Variants in ERBIN observed in about 807,000 individuals in gnomAD.
The protein encoded by ERBIN is densin-180-like protein.
In ERBIN, 60 loss-of-function variants were observed where a neutral mutation model predicts 158.4. The observed-to-expected ratio is 0.38, with a 90% CI of 0.31 to 0.47. The LOEUF (loss-of-function observed/expected upper bound fraction) is 0.47, where lower values mean the gene tolerates loss of function less well. ERBIN is among the 20% of genes least tolerant of loss of function. The pLI, the probability that ERBIN is intolerant of heterozygous loss-of-function variation, is 0.99. For synonymous variants in ERBIN, 594 were observed against 557.2 expected (o/e 1.07, Z -0.93); for missense variants, 1,610 against 1,648.0 (o/e 0.98, Z 0.40).
intron 2 of ERBIN, among the ~76,000 whole-genome samples, chr5:65,992,174 G>C (rs1751937932): frequency 6.6e-6 from 1 of 151,780 alleles, no homozygotes; most frequent in African/African-American, 2.4e-5. Flanking sequence ...TTGTTTGTTT[G>C]AGTCTCGCTC....
intron 1 of ERBIN, among the ~76,000 whole-genome samples, chr5:65,956,040 T>A (rs1747075175): frequency 6.6e-6 from 1 of 152,204 alleles, no homozygotes. Context: ...ACACTATCTG[T>A]GGTTTCAGGT....
Position 66,014,683 on chromosome 5 carries a change from A to G in ERBIN, c.491A>G (p.Gln164Arg). The G allele has an allele frequency of 7.0e-7, 1 of 1,437,874 alleles. No individual in the cohort carries two copies. Among genetic ancestry groups the G allele is most frequent in the Non-Finnish European group, 9.4e-7 (1 of 1,059,834 alleles). The allele number at this position is 1,437,874 out of a possible 1,614,324, so 89.1% of individuals were successfully genotyped here. ...PANFGRLTKL[Q>R]ILELRENQLK... ...TTGTATTGCAGATTAACTAAACTCC[A>G]AATATTAGAGCTTAGAGAAAACCAG... Residue 164 changes from glutamine to arginine, a missense_variant, in exon 7 of 26, where the codon CAA becomes CGA. Gln to Arg is a conservative substitution (Grantham distance 43). Coordinates refer to ENST00000284037, the MANE Select transcript of ERBIN (RefSeq NM_001253697.2).
At position 66,054,470 on chromosome 5, in the gene ERBIN, C is replaced by T. The variant is rs957429415; in HGVS notation, c.3152C>T (p.Ala1051Val). ...AYHLHQRLGP[A>V]RHGEMWAISP... ...CATTTACATCAGAGACTTGGCCCAG[C>T]AAGACATGGGGAAATGTGGGCCATC... The change falls in exon 21 of 26, where the codon GCA becomes GTA. Residue 1051 changes from alanine to valine, a missense_variant. Physicochemically the swap from Ala to Val is moderately conservative, Grantham distance 64 (BLOSUM62 0). Around this residue, in one of 2 missense-constraint regions of ERBIN, gnomAD observed 1,014 missense variants for 936.1 expected, o/e 1.08. Transcript: ENST00000284037. 6.2e-7 allele frequency: 1 copy of T among 1,614,140 alleles called. No individual in the cohort carries two copies.
At chr5:66,061,625 T>C (rs1486251172) in intron 21 of ERBIN, among the ~76,000 whole-genome samples, 1 of 152,212 alleles carries the variant, frequency 6.6e-6, no homozygotes, top group African/African-American at 2.4e-5. Context: ...GTTGATGCAG[T>C]TTCTTCCTAG....
Position 66,038,444 on chromosome 5 carries a change from C to T in ERBIN, c.1268C>T (p.Thr423Ile), listed in dbSNP as rs1287450747. ...TCAGAGACCCAGAAAATGGTGCTTACCAACTACATGTTCCCTCAACAGCCA... is the reference window on the plus strand; with the variant it reads ...TCAGAGACCCAGAAAATGGTGCTTATCAACTACATGTTCCCTCAACAGCCA... The part of the protein sequence containing the change: ...TDSETQKMVL[T>I]NYMFPQQPRT... The change falls in exon 15 of 26, where the codon ACC becomes ATC. Residue 423 changes from threonine to isoleucine, a missense_variant. This residue lies in a region of ERBIN where 596 missense variants were observed against 711.9 expected (regional missense o/e 0.84). Coordinates refer to ENST00000284037, the MANE Select transcript of ERBIN (RefSeq NM_001253697.2). The T allele has an allele frequency of 4.3e-6, 7 of 1,612,104 alleles. No individual in the cohort carries two copies. The East Asian group carries it at 1.1e-4, about 26-fold the overall frequency.
At chr5:65,984,512 C>G (rs946653345) in intron 1 of ERBIN, among the ~76,000 whole-genome samples, 1 of 152,252 alleles carries the variant, frequency 6.6e-6, no homozygotes, top group African/African-American at 2.4e-5. Flanking sequence ...CTCTGGCACC[C>G]TCAGTGCAGC....
chr5:66,011,785 A>ATG (rs1332627602), intron 4 of ERBIN, among the ~76,000 whole-genome samples: 1 of 152,234 alleles, frequency 6.6e-6, no homozygotes, highest in African/African-American at 2.4e-5. Flanking sequence ...TTAACATCAC[A>ATG]TGTAGAAGGC....
chr5:66,025,726 C>G, intron 11 of ERBIN, 122 bp from the exon 12 acceptor site: 1 of 884,578 alleles, frequency 1.1e-6, no homozygotes, highest in South Asian at 2.0e-5. Flanking sequence ...TGAAGTTTAG[C>G]TTTGTGAAAT....
Position 66,079,764 on chromosome 5 carries a change from C to G in ERBIN, c.*1234C>G, listed in dbSNP as rs1283753993. ...ACATTAAATGTGAACTCAACACTTC[C>G]AGAGTCTTTAAAGGGTTTCTATGTG... On this transcript the variant is annotated 3_prime_UTR_variant, in exon 26 of 26. Transcript: ENST00000284037. The G allele has an allele frequency of 6.6e-6, 1 of 152,550 alleles. No homozygotes were observed. Among genetic ancestry groups the G allele is most frequent in the African/African-American group, 2.4e-5 (1 of 41,434 alleles). The allele number at this position is 152,550 out of a possible 1,614,324, so 9.4% of individuals were successfully genotyped here. A position where few individuals can be genotyped will look rare whatever the true frequency, so the allele number is the denominator to read the frequency against.
chr5:65,991,673 A>G (rs1450530444), intron 2 of ERBIN, among the ~76,000 whole-genome samples: 1 of 152,140 alleles, frequency 6.6e-6, no homozygotes, highest in Non-Finnish European at 1.5e-5. Context: ...TGCTAATATA[A>G]TCTTAGCCTA....
intron 21 of ERBIN, among the ~76,000 whole-genome samples, chr5:66,069,406 GTGACTGAGAAT>G (rs1446719409): frequency 6.6e-6 from 1 of 152,180 alleles, no homozygotes; most frequent in Non-Finnish European, 1.5e-5. Flanking sequence ...TTTAACTCCA[GTGACTGAGAAT>G]TGACTGAGAG....
intron 1 of ERBIN, among the ~76,000 whole-genome samples, chr5:65,928,830 CTG>C (rs1491205875): frequency 6.6e-6 from 1 of 152,118 alleles, no homozygotes; most frequent in African/African-American, 2.4e-5. Context: ...TTTGTTTAAA[CTG>C]TGACAAAGGT....
intron 1 of ERBIN, among the ~76,000 whole-genome samples, chr5:65,946,719 T>C (rs1031566934): frequency 6.6e-6 from 1 of 152,156 alleles, no homozygotes; most frequent in Non-Finnish European, 1.5e-5. Context: ...GTTGTACTAT[T>C]TTGCATTCCC....
In ERBIN at chr5:66,082,501, T is replaced by C. The variant is rs780099221; in HGVS notation, c.*3971T>C. The C allele has an allele frequency of 6.6e-6, 1 of 152,220 alleles. No homozygotes were observed. The highest frequency in any genetic ancestry group is 1.5e-5 in the Non-Finnish European group (1 of 68,030). The allele number at this position is 152,220 out of a possible 1,614,324, so 9.4% of individuals were successfully genotyped here. On this transcript the variant is annotated 3_prime_UTR_variant, in exon 26 of 26. Coordinates refer to ENST00000284037, the MANE Select transcript of ERBIN (RefSeq NM_001253697.2). ...GGAAGAAACCTAAGCTGTAAAATTATGCTTTTCCCCTCAAGGGATTCAATA... is the reference window on the plus strand; with the variant it reads ...GGAAGAAACCTAAGCTGTAAAATTACGCTTTTCCCCTCAAGGGATTCAATA...
chr5:65,947,081 G>T (rs1430865995), intron 1 of ERBIN, among the ~76,000 whole-genome samples: 1 of 152,010 alleles, frequency 6.6e-6, no homozygotes, highest in Non-Finnish European at 1.5e-5. Flanking sequence ...ATCTTTTGCA[G>T]AACAAAAGCT....
rs1002133425 is a variant in ERBIN at position 66,080,477 on chromosome 5, C to CT, written c.*1948dup. On this transcript the variant is annotated 3_prime_UTR_variant, in exon 26 of 26. Coordinates refer to ENST00000284037, the MANE Select transcript of ERBIN (RefSeq NM_001253697.2). ...TCACTTATTGTATGTGTGTTGTAATCTAAAAAAAAAAAGAATGACAAACAG... is the reference window on the plus strand; with the variant it reads ...TCACTTATTGTATGTGTGTTGTAATCTTAAAAAAAAAAAGAATGACAAACAG... 15 of 142,838 alleles carry CT rather than the reference C, an allele frequency of 1.1e-4. No homozygotes were observed. Among genetic ancestry groups the CT allele is most frequent in the African/African-American group, 3.9e-4 (14 of 35,854 alleles). 8.8% of individuals were successfully genotyped at this position (142,838 alleles called of 1,614,324 possible). A position where few individuals can be genotyped will look rare whatever the true frequency, so the allele number is the denominator to read the frequency against.
chr5:66,043,737 G>C (rs966340156), intron 16 of ERBIN, among the ~76,000 whole-genome samples: 14 of 152,056 alleles, frequency 9.2e-5, no homozygotes, highest in African/African-American at 3.4e-4. Flanking sequence ...CTCAGAAAAT[G>C]ACAGGCTGAC....
At position 65,942,106 on chromosome 5, in the gene ERBIN, A is replaced by G. The variant is rs573254629; in HGVS notation, c.-58+15300A>G. ...GATAGGTGTGTTCCCCAGAATACTGATGTTTTCCTCATACTCACTCACTAT... is the reference window on the plus strand; with the variant it reads ...GATAGGTGTGTTCCCCAGAATACTGGTGTTTTCCTCATACTCACTCACTAT... On this transcript the variant is annotated intron_variant, in intron 1 of 25. Coordinates refer to ENST00000284037, the MANE Select transcript of ERBIN (RefSeq NM_001253697.2). Among the ~76,000 whole-genome samples, 33 of 152,308 alleles carry G rather than the reference A, an allele frequency of 2.2e-4. 1 individual carries two copies. The highest frequency in any genetic ancestry group is 1.5e-3 in the East Asian group (8 of 5,184).
chr5:66,020,429 CAT>C (rs1392360055), intron 7 of ERBIN, among the ~76,000 whole-genome samples: 2 of 151,918 alleles, frequency 1.3e-5, no homozygotes, highest in Non-Finnish European at 2.9e-5. Flanking sequence ...AAAGTATTAA[CAT>C]ATTAATGTAA....
Sources: gnomAD v4.1 joint callset for allele counts (sites outside exome capture counted in the v4.1 genomes callset) on GRCh38, gnomAD v4.1.1 for gene constraint, gnomAD v4.1.1 regional missense constraint, MANE v1.5 for transcripts, NCBI Gene and HGNC (gene_info 2026-07-23, HGNC 2026-07-21) for gene names.